Variants in HNRNPR observed in about 807,000 individuals in gnomAD.
The protein encoded by HNRNPR is heterogeneous nuclear ribonucleoprotein R.
In HNRNPR, 4 loss-of-function variants were observed where a neutral mutation model predicts 70.3. The ratio of observed to expected loss-of-function variants is 0.06; its 90% CI spans 0.03 to 0.13. The LOEUF is 0.13. Ranked by LOEUF, HNRNPR falls within the 10% of genes least tolerant of loss-of-function variation. The pLI is 1.00. For synonymous variants in HNRNPR, 241 were observed against 267.6 expected, an observed-to-expected ratio of 0.90 and a Z score of 0.97; for missense variants, 423 against 788.5, an observed-to-expected ratio of 0.54 and a Z score of 5.55.
At position 23,318,968 on chromosome 1, in the gene HNRNPR, T is replaced by C. The variant is rs1354425524; in HGVS notation, c.812-280A>G. On this transcript the variant is annotated intron_variant, in intron 7 of 10. Coordinates refer to ENST00000302271, the MANE Select transcript of HNRNPR (RefSeq NM_005826.5). The surrounding 1 kb of genome is among the most constrained non-coding windows in gnomAD (Gnocchi z 4.2). The stretch of plus-strand genomic sequence containing the variant: ...TGCTACAATGTTTTAGAGCGTTTGA[T>C]ATAACATGACTTTATTAAAGCACTA... Among the ~76,000 whole-genome samples the C allele has an allele frequency of 6.6e-6, 1 of 152,242 alleles. No individual in the cohort carries two copies. The highest frequency in any genetic ancestry group is 1.9e-4 in the East Asian group (1 of 5,202).
rs1645239438 is a variant in HNRNPR, at chr1:23,308,497, C to G, written c.*1957G>C. On this transcript the variant is annotated 3_prime_UTR_variant, in exon 11 of 11. Transcript: ENST00000302271. ...AAATTGTACTTTCAAAGTTTAAAAGCAGCATTTAAAGAATGTTTGGTGTCT... is the reference window on the plus strand; with the variant it reads ...AAATTGTACTTTCAAAGTTTAAAAGGAGCATTTAAAGAATGTTTGGTGTCT... 1 of 151,992 alleles carries G rather than the reference C, an allele frequency of 6.6e-6. No individual in the cohort carries two copies. Among genetic ancestry groups the G allele is most frequent in the Admixed American group, 6.6e-5 (1 of 15,256 alleles). 9.4% of individuals were successfully genotyped at this position (151,992 alleles called of 1,614,324 possible).
At chr1:23,326,873 G>A (rs904789182) in intron 5 of HNRNPR, among the ~76,000 whole-genome samples, 3 of 152,080 alleles carry the variant, frequency 2.0e-5, no homozygotes, top group Non-Finnish European at 2.9e-5. Flanking sequence ...AACTACCACC[G>A]TCAAAACCTT....
intron 8 of HNRNPR, among the ~76,000 whole-genome samples, chr1:23,314,222 A>G (rs1645445658): frequency 6.6e-6 from 1 of 152,216 alleles, no homozygotes; most frequent in African/African-American, 2.4e-5. Flanking sequence ...ACACAAGGAT[A>G]AACTCCAAAT....
At chr1:23,320,674 T>C (rs1645719980) in intron 7 of HNRNPR, among the ~76,000 whole-genome samples, 1 of 152,146 alleles carries the variant, frequency 6.6e-6, no homozygotes, top group African/African-American at 2.4e-5. Context: ...TAACGCAGTG[T>C]TTTTAAATCA....
chr1:23,344,281 T>A lies in HNRNPR; in HGVS notation c.-80A>T, dbSNP rs1340298000. ...GAGGCGCTTTGAAAACGACTAGAAA[T>A]GGCGCGCGCGCCACCCCCTCCCCCC... On this transcript the variant is annotated 5_prime_UTR_variant, in exon 1 of 11. Transcript: ENST00000302271. 1 of 148,068 alleles carries A rather than the reference T, an allele frequency of 6.8e-6. No individual in the cohort carries two copies. Among genetic ancestry groups the A allele is most frequent in the Non-Finnish European group, 1.5e-5 (1 of 66,852 alleles). 9.2% of individuals were successfully genotyped at this position (148,068 alleles called of 1,614,324 possible).
intron 8 of HNRNPR, among the ~76,000 whole-genome samples, chr1:23,316,324 AAAC>A (rs1645545861): frequency 6.6e-6 from 1 of 152,102 alleles, no homozygotes; most frequent in Non-Finnish European, 1.5e-5. Context: ...TAAAAAAAAG[AAAC>A]AATAAAGGGC....
At chr1:23,316,314 T>TA (rs767350285) in intron 8 of HNRNPR, among the ~76,000 whole-genome samples, 1 of 151,418 alleles carries the variant, frequency 6.6e-6, no homozygotes, top group Non-Finnish European at 1.5e-5. Flanking sequence ...CCCCATCTTT[T>TA]AAAAAAAAGA....
chr1:23,336,202 G>C (rs111243115), intron 4 of HNRNPR, among the ~76,000 whole-genome samples: 3,273 of 150,960 alleles, frequency 0.022, 125 homozygotes, highest in African/African-American at 0.075. Flanking sequence ...GAGGTAGGCA[G>C]ATCCCCCAAG....
chr1:23,338,319 T>A, intron 3 of HNRNPR, 171 bp downstream of exon 3: 2 of 426,734 alleles, frequency 4.7e-6, no homozygotes, highest in East Asian at 3.7e-5. Flanking sequence ...TTTTGCTTTA[T>A]ACTTGGGCTT....
chr1:23,331,953 G>A (rs138208517), intron 5 of HNRNPR, among the ~76,000 whole-genome samples: 73 of 147,130 alleles, frequency 5.0e-4, no homozygotes, highest in African/African-American at 1.7e-3. Flanking sequence ...CCAACTTGGC[G>A]CAACCCCGTC....
chr1:23,325,913 C>T (rs1352074336), intron 5 of HNRNPR, among the ~76,000 whole-genome samples: 3 of 152,218 alleles, frequency 2.0e-5, no homozygotes, highest in South Asian at 2.1e-4. Flanking sequence ...CAGGCTGCAG[C>T]GCAGTGGCAT....
chr1:23,329,817 G>A (rs1646143738), intron 5 of HNRNPR, among the ~76,000 whole-genome samples: 1 of 152,034 alleles, frequency 6.6e-6, no homozygotes, highest in Admixed American at 6.6e-5. Flanking sequence ...TTTTTATAGA[G>A]ACAGGGTCTC....
At chr1:23,338,451 T>A (rs371555320) in intron 3 of HNRNPR, 39 bp downstream of exon 3, 3 of 768,970 alleles carry the variant, frequency 3.9e-6, no homozygotes, top group Admixed American at 5.7e-5. Context: ...AATTTCAGAT[T>A]ACTAATTGTT....
intron 8 of HNRNPR, among the ~76,000 whole-genome samples, chr1:23,315,563 C>T (rs753870874): frequency 3.3e-5 from 5 of 151,930 alleles, no homozygotes; most frequent in East Asian, 1.9e-4. Flanking sequence ...CCATATTTGC[C>T]GAAGGAAATA....
chr1:23,313,522 A>G (rs1047433257), intron 9 of HNRNPR, 31 bp downstream of exon 9: 29 of 1,472,602 alleles, frequency 2.0e-5, no homozygotes, highest in Non-Finnish European at 2.7e-5. Context: ...CAAAATTCAA[A>G]TATCAAGAAC....
At position 23,313,577 on chromosome 1, in the gene HNRNPR, A is replaced by G; in HGVS notation, c.1143T>C (p.Phe381=). The G allele has an allele frequency of 6.4e-7, 1 of 1,573,034 alleles. No individual in the cohort carries two copies. Among genetic ancestry groups the G allele is most frequent in the Non-Finnish European group, 8.6e-7 (1 of 1,168,608 alleles). Reference sequence around the variant, plus strand: ...CCTTAACAGCTGCTCCTCTGTCTTCAAAATGAACAAATGCATAATCTTTCA... The same window carrying G: ...CCTTAACAGCTGCTCCTCTGTCTTCGAAATGAACAAATGCATAATCTTTCA... ...KKLKDYAFVH[F]EDRGAAVKAM... Residue 381 remains phenylalanine (F), a synonymous_variant, in exon 9 of 11, where the codon TTT becomes TTC. Coordinates refer to ENST00000302271, the MANE Select transcript of HNRNPR (RefSeq NM_005826.5).
Position 23,335,513 on chromosome 1 carries a change from C to T in HNRNPR, c.385-1882G>A, listed in dbSNP as rs114785631. Among the ~76,000 whole-genome samples the T allele has an allele frequency of 8.8e-3, 1,345 of 152,348 alleles. 26 individuals are homozygous for T. The highest frequency in any genetic ancestry group is 0.03 in the African/African-American group (1,259 of 41,574). ...CGCTCCTCATCCTCCCTATCATTGGCATTACTGCCTGAGCTGTGAGCTCCA... is the reference window on the plus strand; with the variant it reads ...CGCTCCTCATCCTCCCTATCATTGGTATTACTGCCTGAGCTGTGAGCTCCA... On this transcript the variant is annotated intron_variant, in intron 4 of 10. Transcript: ENST00000302271.
chr1:23,307,548 C>T lies in HNRNPR; in HGVS notation c.*2906G>A, dbSNP rs1421739940. On this transcript the variant is annotated 3_prime_UTR_variant, in exon 11 of 11. Transcript: ENST00000302271. ...ACTCATTTTAAAAAAACTACAGAAT[C>T]ATAACTCATTTTCCTTATCTTTTCA... 6.6e-6 allele frequency: 1 copy of T among 151,888 alleles called. No homozygotes were observed. The highest frequency in any genetic ancestry group is 1.5e-5 in the Non-Finnish European group (1 of 67,904). The allele number at this position is 151,888 out of a possible 1,614,324, so 9.4% of individuals were successfully genotyped here.
intron 9 of HNRNPR, among the ~76,000 whole-genome samples, chr1:23,313,216 T>A (rs369512845): frequency 9.9e-5 from 15 of 152,192 alleles, no homozygotes; most frequent in African/African-American, 3.1e-4. Flanking sequence ...CAAACTGAGG[T>A]CAACTAAGTA....
Sources: gnomAD v4.1 joint callset for allele counts (sites outside exome capture counted in the v4.1 genomes callset) on GRCh38, gnomAD v4.1.1 for gene constraint, Gnocchi (gnomAD v3.1) non-coding constraint, MANE v1.5 for transcripts, NCBI Gene and HGNC (gene_info 2026-07-23, HGNC 2026-07-21) for gene names.